The following MROH2B variants were observed in gnomAD, a reference collection of about 807,000 sequenced individuals.
MROH2B encodes the protein maestro heat-like repeat-containing protein family member 2B.
MROH2B carries 177 observed loss-of-function variants against 208.6 expected under a neutral mutation model. The observed-to-expected ratio is 0.85, with a 90% CI of 0.75 to 0.96. The LOEUF (loss-of-function observed/expected upper bound fraction) is 0.96, where lower values mean the gene tolerates loss of function less well. MROH2B is among the 40% of genes least tolerant of loss of function. The pLI is 0.00. For missense variants in MROH2B, 2,002 were observed against 1,878.7 expected (o/e 1.07, Z -1.21); for synonymous variants, 728 against 659.0 (o/e 1.10, Z -1.60).
At chr5:41,055,954 G>A (rs1579954328) in intron 9 of MROH2B, 99 bp from the exon 10 acceptor site, 2 of 795,790 alleles carry the variant, frequency 2.5e-6, no homozygotes, top group East Asian at 4.9e-5. Context: ...ATTATCCAAG[G>A]CACTCTTCAG....
chr5:41,031,179 C>G (rs1051005930), intron 24 of MROH2B, among the ~76,000 whole-genome samples: 5 of 152,072 alleles, frequency 3.3e-5, no homozygotes, highest in Admixed American at 3.3e-4. Context: ...CCACATGGCT[C>G]AGGAAGCCTC....
At chr5:41,033,779 C>A in intron 22 of MROH2B, 59 bp downstream of exon 22, 1 of 776,606 alleles carries the variant, frequency 1.3e-6, no homozygotes, top group South Asian at 1.9e-5. Context: ...TTCAGGGGGG[C>A]ATTATCTATC....
Position 41,068,474 on chromosome 5 carries a change from T to A in MROH2B, c.90+1217A>T, listed in dbSNP as rs6875235. 3.4e-3 allele frequency among the ~76,000 whole-genome samples: 524 copies of A among 152,264 alleles called. 2 individuals carry two copies. Among genetic ancestry groups the A allele is most frequent in the African/African-American group, 0.012 (495 of 41,564 alleles). Reference sequence around the variant, plus strand: ...GTCTTAGGTACCACAAATATATTCATTTTATAGATGAGGAAATTGAGTCCC... The same window carrying A: ...GTCTTAGGTACCACAAATATATTCAATTTATAGATGAGGAAATTGAGTCCC... On this transcript the variant is annotated intron_variant, in intron 2 of 41. Transcript: ENST00000399564.
chr5:41,020,805 T>C (rs759313009), intron 24 of MROH2B, among the ~76,000 whole-genome samples: 2 of 152,214 alleles, frequency 1.3e-5, no homozygotes, highest in Non-Finnish European at 2.9e-5. Flanking sequence ...CTCAATATAA[T>C]AAATGACATA....
chr5:41,058,516 G>T (rs2150180088), intron 6 of MROH2B, among the ~76,000 whole-genome samples: 1 of 151,964 alleles, frequency 6.6e-6, no homozygotes, highest in East Asian at 1.9e-4. Flanking sequence ...GGAGTGCAGT[G>T]GCACGATCTC....
At position 41,005,567 on chromosome 5, in the gene MROH2B, C is replaced by A; in HGVS notation, c.3828G>T (p.Glu1276Asp). 6.2e-7 allele frequency: 1 copy of A among 1,609,512 alleles called. No homozygotes were observed. Among genetic ancestry groups the A allele is most frequent in the Non-Finnish European group, 8.5e-7 (1 of 1,178,006 alleles). ...QLLSSLTSSS[E>D]NYRITGAAFF... ...AAGCTGCGCCGGTTATCCGGTAGTT[C>A]TCCGAGGAGGAGGTAAGAGATGAGA... The change falls in exon 35 of 42, where the codon GAG (glutamate) becomes GAT (aspartate). Residue 1276 changes from glutamate (E) to aspartate (D), a missense_variant. Transcript: ENST00000399564.
At chr5:41,033,753 T>A in intron 22 of MROH2B, 85 bp downstream of exon 22, 2 of 1,097,682 alleles carry the variant, frequency 1.8e-6, no homozygotes, top group African/African-American at 1.6e-5. Context: ...CAAAAGGACA[T>A]CTTTGCTTGG....
Position 41,000,735 on chromosome 5 carries a change from T to C in MROH2B, c.4293A>G (p.Lys1431=). ...RWKIFFAEEI[K]KSLISFLLHL... is the part of the protein sequence containing the mutation. ...GCAGAAGGAATGAAATCAGGCTCTTTTTTATTTCTTCAGCAAAAAAAATCT... is the reference window on the plus strand; with the variant it reads ...GCAGAAGGAATGAAATCAGGCTCTTCTTTATTTCTTCAGCAAAAAAAATCT... Residue 1431 remains lysine, a synonymous_variant, in exon 38 of 42, where the codon AAA becomes AAG. Coordinates refer to ENST00000399564, the MANE Select transcript of MROH2B (RefSeq NM_173489.5). The C allele has an allele frequency of 6.2e-7, 1 of 1,612,150 alleles. No homozygotes were observed. The highest frequency in any genetic ancestry group is 8.5e-7 in the Non-Finnish European group (1 of 1,179,202).
intron 30 of MROH2B, among the ~76,000 whole-genome samples, chr5:41,011,672 C>CT (rs70988828): frequency 0.044 from 6,418 of 145,088 alleles, 145 homozygotes; most frequent in African/African-American, 0.068. Context: ...TTTCCTTTTT[C>CT]TTTTTTTTTT....
At chr5:41,034,533 A>G (rs1742690737) in intron 21 of MROH2B, among the ~76,000 whole-genome samples, 1 of 152,152 alleles carries the variant, frequency 6.6e-6, no homozygotes, top group African/African-American at 2.4e-5. Flanking sequence ...ATAACAGTCC[A>G]TTAGATTTCA....
rs1416365141 is a variant in MROH2B at position 41,000,350 on chromosome 5, G to A, written c.4352C>T (p.Ala1451Val). 2.5e-6 allele frequency: 4 copies of A among 1,613,080 alleles called. No homozygotes were observed. Among genetic ancestry groups the A allele is most frequent in the Admixed American group, 1.7e-5 (1 of 59,792 alleles). The change falls in exon 39 of 42, where the codon GCT becomes GTT. Residue 1451 changes from alanine (A) to valine (V), a missense_variant and splice_region_variant. Transcript: ENST00000399564. ...LWDPNPKIGV[A>V]CRDVLMVCIP... is the part of the protein sequence containing the mutation. Reference sequence around the variant, plus strand: ...GCAGACCATCAAGACATCACGGCAAGCCTGGAAAACAGAGTTTTCTGCATC... The same window carrying A: ...GCAGACCATCAAGACATCACGGCAAACCTGGAAAACAGAGTTTTCTGCATC...
chr5:41,026,723 T>C (rs1209058674), intron 24 of MROH2B, among the ~76,000 whole-genome samples: 1 of 152,198 alleles, frequency 6.6e-6, no homozygotes, highest in African/African-American at 2.4e-5. Context: ...AGGGCCCGCA[T>C]TGCCAAGACA....
At chr5:41,064,912 C>A (rs1743754913) in intron 4 of MROH2B, among the ~76,000 whole-genome samples, 1 of 152,186 alleles carries the variant, frequency 6.6e-6, no homozygotes, top group African/African-American at 2.4e-5. Context: ...TAATGTCAAT[C>A]TCTCCCACCA....
chr5:41,048,976 T>C, intron 15 of MROH2B, 125 bp downstream of exon 15: 1 of 888,640 alleles, frequency 1.1e-6, no homozygotes, highest in Non-Finnish European at 1.7e-6. Flanking sequence ...AGAAAATTTA[T>C]TATGCCTTTT....
rs748291372 is a variant in MROH2B at position 41,061,584 on chromosome 5, C to T, written c.601G>A (p.Ala201Thr). The part of the protein sequence containing the change: ...WYIMEKWAPL[A>T]SPMQTLSIVK... ...GGCCCACTCACCTGCATGGGTGAGG[C>T]CAAAGGGGCCCACTTCTCCATTATA... The change falls in exon 6 of 42, where the codon GCC becomes ACC. Residue 201 changes from alanine (A) to threonine (T), a missense_variant. Transcript: ENST00000399564. 32 of 1,612,834 alleles carry T rather than the reference C, an allele frequency of 2.0e-5. No individual in the cohort carries two copies. In the Middle Eastern group the frequency reaches 1.3e-3, roughly 66 times the overall value.
chr5:41,018,854 C>T (rs752171841), intron 25 of MROH2B, 29 bp downstream of exon 25: 22 of 1,613,676 alleles, frequency 1.4e-5, no homozygotes, highest in Non-Finnish European at 1.6e-5. Flanking sequence ...TGCAGACTGT[C>T]ATCCTACTTA....
Position 41,069,401 on chromosome 5 carries a change from C to G in MROH2B, c.90+290G>C, listed in dbSNP as rs146249316. Among the ~76,000 whole-genome samples, 118 of 152,242 alleles carry G rather than the reference C, an allele frequency of 7.8e-4. 1 individual carries two copies. The highest frequency in any genetic ancestry group is 2.7e-3 in the African/African-American group (112 of 41,540). ...CAAATTATAAAAGAAACAGTCTCAT[C>G]CACATGTTTGTAAGTCTGACATACA... On this transcript the variant is annotated intron_variant, in intron 2 of 41. Coordinates refer to ENST00000399564, the MANE Select transcript of MROH2B (RefSeq NM_173489.5).
intron 29 of MROH2B, among the ~76,000 whole-genome samples, chr5:41,014,138 G>A (rs545331239): frequency 3.9e-4 from 59 of 152,176 alleles, no homozygotes; most frequent in Non-Finnish European, 6.9e-4. Context: ...TTGTCATAAC[G>A]TACTGATTTT....
Position 41,016,498 on chromosome 5 carries a change from G to GTATT in MROH2B, c.2885-1021_2885-1020insAATA, listed in dbSNP as rs1741953963. On this transcript the variant is annotated intron_variant, in intron 28 of 41. Transcript: ENST00000399564. ...GGCATATTTCTGTTACTACTGTAAT[G>GTATT]TTTTTTTTTTTTTTTTTTTTTTTTG... Among the ~76,000 whole-genome samples the GTATT allele has an allele frequency of 3.7e-5, 3 of 80,778 alleles. 1 individual carries two copies. The highest frequency in any genetic ancestry group is 6.4e-5 in the Non-Finnish European group (3 of 46,564). The allele number at this position is 80,778 out of a possible 152,430, so 53.0% of individuals were successfully genotyped here. A position where few individuals can be genotyped will look rare whatever the true frequency, so the allele number is the denominator to read the frequency against.
Sources: allele counts gnomAD v4.1 joint callset (sites outside exome capture counted in the v4.1 genomes callset), GRCh38; gene constraint gnomAD v4.1.1; transcripts MANE v1.5; gene names NCBI Gene and HGNC (gene_info 2026-07-23, HGNC 2026-07-21).